ATP6V1B1: variants seen among roughly 807,000 people sequenced by gnomAD.
ATP6V1B1 encodes ATPase H+ transporting V1 subunit B1.
In ATP6V1B1, 41 loss-of-function variants were observed where a neutral mutation model predicts 62.1. The ratio of observed to expected loss-of-function variants is 0.66; its 90% confidence interval spans 0.51 to 0.86. The LOEUF is 0.86. ATP6V1B1 is among the 40% of genes least tolerant of loss of function. The pLI, the probability that ATP6V1B1 is intolerant of heterozygous loss-of-function variation, is 0.00. For missense variants in ATP6V1B1, 651 were observed against 697.5 expected (o/e 0.93, Z 0.75); for synonymous variants, 253 against 273.4 (o/e 0.93, Z 0.74).
intron 1 of ATP6V1B1, chr2:70,941,956 G>T (rs1553416467): frequency 2.0e-6 from 2 of 1,004,370 alleles, no homozygotes; most frequent in Non-Finnish European, 1.2e-6. Flanking sequence ...TGGAAGGTGG[G>T]GAAGGAAAGC....
At chr2:70,948,156 C>G (rs1680231112) in intron 2 of ATP6V1B1, 1 of 152,280 alleles carries the variant, frequency 6.6e-6, no homozygotes, top group South Asian at 2.1e-4. Context: ...CCTTCAGGGA[C>G]ACAGAACGCA....
At chr2:70,958,481 C>T (rs1680498868) in intron 4 of ATP6V1B1, 55 bp downstream of exon 4, 3 of 1,518,026 alleles carry the variant, frequency 2.0e-6, no homozygotes, top group Non-Finnish European at 2.7e-6. Context: ...CCCAGCCCAG[C>T]TTCTCTGACC....
rs1680693689 is a variant in ATP6V1B1, at chr2:70,965,131, C to A, written c.*10C>A. On this transcript the variant is annotated 3_prime_UTR_variant, in exon 14 of 14. Transcript: ENST00000234396. ...TGACACTGCGCTCTAGCCCCGCGCG[C>A]CGTGGCACCCCAACACCGGCAGGGA... 6.2e-7 allele frequency: 1 copy of A among 1,606,814 alleles called. No individual in the cohort carries two copies. The highest frequency in any genetic ancestry group is 1.3e-5 in the African/African-American group (1 of 74,894).
chr2:70,956,809 C>G (rs1018905505), intron 2 of ATP6V1B1, among the ~76,000 whole-genome samples: 5 of 152,080 alleles, frequency 3.3e-5, no homozygotes, highest in African/African-American at 9.7e-5. Context: ...AGGCTGATCT[C>G]AAACTCCTTA....
In ATP6V1B1 at chr2:70,963,484, T is replaced by A; in HGVS notation, c.1061-88T>A. 3 of 1,534,888 alleles carry A rather than the reference T, an allele frequency of 2.0e-6. No individual in the cohort carries two copies. The highest frequency in any genetic ancestry group is 2.7e-6 in the Non-Finnish European group (3 of 1,110,764). ...CATGCCCCCCACACATCCCTATCAC[T>A]CCCATGAGGGAAACAGACCCCAGGT... is the stretch of plus-strand genomic sequence containing the variant. On this transcript the variant is annotated intron_variant, in intron 10 of 13. Coordinates refer to ENST00000234396, the MANE Select transcript of ATP6V1B1 (RefSeq NM_001692.4). This position sits in a 1 kb window ranked among gnomAD's most constrained non-coding sequence, Gnocchi z 4.3.
At chr2:70,940,440 C>G (rs1679964198) in intron 1 of ATP6V1B1, 2 of 985,358 alleles carry the variant, frequency 2.0e-6, no homozygotes, top group Middle Eastern at 5.2e-4. Context: ...AAGATGCCAG[C>G]TCTCCCGGGG....
chr2:70,958,982 C>A, intron 4 of ATP6V1B1, 36 bp from the exon 5 acceptor site: 1 of 1,606,638 alleles, frequency 6.2e-7, no homozygotes, highest in Non-Finnish European at 8.5e-7. Context: ...ACAGGGCTAG[C>A]CTGAGCACCC....
At chr2:70,949,212 G>A (rs563142673) in intron 2 of ATP6V1B1, among the ~76,000 whole-genome samples, 1 of 152,202 alleles carries the variant, frequency 6.6e-6, no homozygotes, top group South Asian at 2.1e-4. Flanking sequence ...TCCCTTGAGA[G>A]CCAAGGGACT....
chr2:70,942,715 A>G (rs1171179847), intron 1 of ATP6V1B1, among the ~76,000 whole-genome samples: 1 of 151,748 alleles, frequency 6.6e-6, no homozygotes, highest in Non-Finnish European at 1.5e-5. Flanking sequence ...GGGTTGGGCC[A>G]CTCCCCTCTG....
Position 70,960,071 on chromosome 2 carries a change from A to G in ATP6V1B1, c.578A>G (p.His193Arg). 2 of 1,614,056 alleles carry G rather than the reference A, an allele frequency of 1.2e-6. No individual in the cohort carries two copies. The highest frequency in any genetic ancestry group is 1.7e-6 in the Non-Finnish European group (2 of 1,179,994). The change falls in exon 6 of 14, where the codon CAC becomes CGC. Residue 193 changes from histidine to arginine, a missense_variant. Physicochemically the swap from His to Arg is conservative, Grantham distance 29. Coordinates refer to ENST00000234396, the MANE Select transcript of ATP6V1B1 (RefSeq NM_001692.4). ...ATCTTCTCAGCAGCCGGGCTCCCCC[A>G]CAATGAGGTGAGGCCTGCAGGGCCA... ...IPIFSAAGLP[H>R]NEIAAQICRQ...
chr2:70,965,223 C>T lies in ATP6V1B1; in HGVS notation c.*102C>T, dbSNP rs147915200. The T allele has an allele frequency of 5.7e-4, 865 of 1,524,628 alleles. 3 individuals carry two copies. The African/African-American group carries it at 9.5e-3, about 17-fold the overall frequency. 94.4% of individuals were successfully genotyped at this position (1,524,628 alleles called of 1,614,324 possible). On this transcript the variant is annotated 3_prime_UTR_variant, in exon 14 of 14. Transcript: ENST00000234396. Reference sequence around the variant, plus strand: ...AACCAGCGGCTTCTGCGCCGCCCTCCGCCCTCCGCTGGCTCCGAGGTGGTG... The same window carrying T: ...AACCAGCGGCTTCTGCGCCGCCCTCTGCCCTCCGCTGGCTCCGAGGTGGTG...
intron 9 of ATP6V1B1, 92 bp downstream of exon 9, chr2:70,962,992 G>T (rs1680627768): frequency 6.2e-7 from 1 of 1,604,700 alleles, no homozygotes; most frequent in African/African-American, 1.3e-5. Context: ...AGGGGAGCTG[G>T]TCCACCCAAG....
In ATP6V1B1 at chr2:70,964,552, AG is replaced by A; in HGVS notation, c.1248+11del. The A allele has an allele frequency of 6.2e-7, 1 of 1,613,646 alleles. No individual in the cohort carries two copies. Among genetic ancestry groups the A allele is most frequent in the Non-Finnish European group, 8.5e-7 (1 of 1,179,552 alleles). On this transcript the variant is annotated intron_variant, in intron 12 of 13. Coordinates refer to ENST00000234396, the MANE Select transcript of ATP6V1B1 (RefSeq NM_001692.4). ...TGTCTCCAACCAGCTGGTAAGGAGA[AG>A]AGGGTCCGGGGGCTGGTAGGTCCTC... is the stretch of plus-strand genomic sequence containing the variant.
chr2:70,960,917 C>T lies in ATP6V1B1; in HGVS notation c.586-4C>T. 6.2e-7 allele frequency: 1 copy of T among 1,604,992 alleles called. No homozygotes were observed. Among genetic ancestry groups the T allele is most frequent in the Admixed American group, 1.7e-5 (1 of 59,014 alleles). On this transcript the variant is annotated splice_polypyrimidine_tract_variant and splice_region_variant and intron_variant, in intron 6 of 13. Transcript: ENST00000234396. ...GTCCTCCTGCCCAATCCACTCTGCC[C>T]TAGATTGCCGCTCAGATCTGCCGCC... is the stretch of plus-strand genomic sequence containing the variant.
At chr2:70,952,048 T>C (rs1165166058) in intron 2 of ATP6V1B1, among the ~76,000 whole-genome samples, 4 of 152,256 alleles carry the variant, frequency 2.6e-5, no homozygotes, top group Non-Finnish European at 5.9e-5. Flanking sequence ...CTGATTTTCA[T>C]TGGAAATGAA....
rs1016535730 is a variant in ATP6V1B1, at chr2:70,959,350, T to A, written c.445+255T>A. Among the ~76,000 whole-genome samples, 4 of 152,224 alleles carry A rather than the reference T, an allele frequency of 2.6e-5. No individual in the cohort carries two copies. Among genetic ancestry groups the A allele is most frequent in the African/African-American group, 9.6e-5 (4 of 41,462 alleles). ...TCATGCCCCTGCCTTTGGCTTCCTG[T>A]CCACAATCCTGAGAATGGGCTGCGG... On this transcript the variant is annotated intron_variant, in intron 5 of 13. Transcript: ENST00000234396. The surrounding 1 kb of genome is among the most constrained non-coding windows in gnomAD (Gnocchi z 4.2).
intron 7 of ATP6V1B1, 45 bp downstream of exon 7, chr2:70,961,067 G>A: frequency 1.3e-6 from 2 of 1,535,646 alleles, no homozygotes; most frequent in Non-Finnish European, 1.8e-6. Flanking sequence ...GCTGTGAGCA[G>A]GCAGCCTGTC....
chr2:70,964,091 G>A (rs1553420583), intron 11 of ATP6V1B1: 2 of 286,278 alleles, frequency 7.0e-6, no homozygotes, highest in Non-Finnish European at 1.2e-5. Flanking sequence ...CCTCTATGAC[G>A]TTTTTCTCTT....
At chr2:70,954,795 G>C (rs556289882) in intron 2 of ATP6V1B1, among the ~76,000 whole-genome samples, 1 of 152,132 alleles carries the variant, frequency 6.6e-6, no homozygotes, top group Non-Finnish European at 1.5e-5. Context: ...ATTAATTTTA[G>C]TTGGATTATG....
Sources: gnomAD v4.1 joint callset for allele counts (sites outside exome capture counted in the v4.1 genomes callset) on GRCh38, gnomAD v4.1.1 for gene constraint, Gnocchi (gnomAD v3.1) non-coding constraint, MANE v1.5 for transcripts, NCBI Gene and HGNC (gene_info 2026-07-23, HGNC 2026-07-21) for gene names.